The following MYH13 variants were observed in gnomAD, a reference collection of about 807,000 sequenced individuals.
MYH13 encodes myosin heavy chain 13, also known as myosin-13.
In MYH13, 177 loss-of-function variants were observed where a neutral mutation model predicts 232.1. The observed-to-expected ratio is 0.76, with a 90% CI of 0.67 to 0.86. The LOEUF is 0.86. Among genes scored for constraint, MYH13 ranks in the 40% least tolerant of loss-of-function variants. MYH13 has a pLI of 0.00. For synonymous variants in MYH13, 884 were observed against 923.5 expected (o/e 0.96, Z 0.78); for missense variants, 2,246 against 2,405.9 (o/e 0.93, Z 1.39).
chr17:10,340,009 A>T (rs1416505760), intron 18 of MYH13, 141 bp downstream of exon 18: 2 of 699,434 alleles, frequency 2.9e-6, no homozygotes, highest in Non-Finnish European at 4.7e-6. Flanking sequence ...TATCTGCTAA[A>T]TCTGGCAACC....
intron 18 of MYH13, among the ~76,000 whole-genome samples, chr17:10,334,827 C>T (rs1010688119): frequency 4.6e-5 from 7 of 151,864 alleles, no homozygotes; most frequent in African/African-American, 1.7e-4. Context: ...TGCAGTGAGC[C>T]GAGATTGTGC....
chr17:10,364,389 C>T lies in MYH13; in HGVS notation c.142G>A (p.Val48Met). 6.2e-7 allele frequency: 1 copy of T among 1,613,944 alleles called. No homozygotes were observed. The highest frequency in any genetic ancestry group is 8.5e-7 in the Non-Finnish European group (1 of 1,179,842). ...TCCCTAGTCTGGATCATGCCTTTCA[C>T]ATACATTTCCTTATTATCCGCTACA... is the stretch of plus-strand genomic sequence containing the variant. ...CFVADNKEMY[V>M]KGMIQTREND... Residue 48 changes from valine to methionine, a missense_variant, in exon 3 of 41, where the codon GTG becomes ATG. Val to Met is a conservative substitution (Grantham distance 21). Transcript: ENST00000252172.
intron 8 of MYH13, among the ~76,000 whole-genome samples, chr17:10,356,878 G>A (rs2071753196): frequency 6.6e-6 from 1 of 152,184 alleles, no homozygotes; most frequent in African/African-American, 2.4e-5. Context: ...GGAAGTAAAT[G>A]TCTTTTTGAT....
rs546166025 is a variant in MYH13 at position 10,324,336 on chromosome 17, C to T, written c.2692-72G>A. 1.3e-5 allele frequency: 20 copies of T among 1,573,040 alleles called. No homozygotes were observed. The South Asian group carries it at 2.2e-4, about 18-fold the overall frequency. On this transcript the variant is annotated intron_variant, in intron 22 of 40. Transcript: ENST00000252172. ...TGCTACAAAGAAAGGGTATCACCCT[C>T]TAAAAGCTTATTATCTACACCTAAG...
chr17:10,317,110 C>T (rs926203045), intron 27 of MYH13, among the ~76,000 whole-genome samples: 1 of 152,136 alleles, frequency 6.6e-6, no homozygotes, highest in African/African-American at 2.4e-5. Flanking sequence ...GAACAGAGAG[C>T]AGCACACGGC....
intron 35 of MYH13, 126 bp from the exon 36 acceptor site, chr17:10,307,190 A>G (rs971439449): frequency 8.2e-7 from 1 of 1,217,788 alleles, no homozygotes. Flanking sequence ...CACATGGGTG[A>G]CCTGCTGGGT....
At position 10,316,021 on chromosome 17, in the gene MYH13, T is replaced by C; in HGVS notation, c.3743A>G (p.Asn1248Ser). The C allele has an allele frequency of 6.2e-7, 1 of 1,614,040 alleles. No individual in the cohort carries two copies. The highest frequency in any genetic ancestry group is 8.5e-7 in the Non-Finnish European group (1 of 1,179,890). The change falls in exon 28 of 41, where the codon AAC becomes AGC. Residue 1248 changes from asparagine to serine, a missense_variant. Transcript: ENST00000252172. ...NIEALSKSKSNIERTCRTVED... is the reference protein window; with the variant it reads ...NIEALSKSKSSIERTCRTVED... ...TACCGTCCGGCACGTTCTTTCTATG[T>C]TACTCTTTAACAAACAGAAAGTCAA...
Position 10,360,062 on chromosome 17 carries a change from G to A in MYH13, c.543C>T (p.Ser181=), listed in dbSNP as rs764684242. The change falls in exon 7 of 41, where the codon TCC becomes TCT. Residue 181 remains serine, a synonymous_variant. Transcript: ENST00000252172. ...DNQSILITGE[S]GAGKTVNTKR... ...TGGTGTTCACAGTCTTCCCAGCCCC[G>A]GATTCTCCGCTGCCAATTTAAAAGT... 3.4e-5 allele frequency: 55 copies of A among 1,613,966 alleles called. No individual in the cohort carries two copies. The East Asian group carries it at 8.5e-4, about 25-fold the overall frequency.
chr17:10,324,421 GTACA>G (rs137894274), intron 22 of MYH13, among the ~76,000 whole-genome samples, 157 bp from the exon 23 acceptor site: 5,199 of 152,136 alleles, frequency 0.034, 275 homozygotes, highest in African/African-American at 0.12. Context: ...ACACACACGT[GTACA>G]TAAACTTAGA....
intron 2 of MYH13, among the ~76,000 whole-genome samples, chr17:10,367,422 C>T (rs2071846048): frequency 6.6e-6 from 1 of 152,116 alleles, no homozygotes; most frequent in South Asian, 2.1e-4. Context: ...AATCTCAGCT[C>T]ACTGCAACCT....
chr17:10,333,132 T>C lies in MYH13; in HGVS notation c.2116A>G (p.Ile706Val). 1 of 1,551,904 alleles carries C rather than the reference T, an allele frequency of 6.4e-7. No individual in the cohort carries two copies. Among genetic ancestry groups the C allele is most frequent in the Middle Eastern group, 1.7e-4 (1 of 5,992 alleles). Residue 706 changes from isoleucine to valine, a missense_variant, in exon 19 of 41, where the codon ATC becomes GTC. Ile to Val is a conservative substitution (Grantham distance 29). Transcript: ENST00000252172. ...QLRCNGVLEG[I>V]RICRKGFPSR... ...GGGAATCCCTTCCTGCAAATCCGGA[T>C]GCCCTCGAGGACCCCGTTACAGCGC... is the stretch of plus-strand genomic sequence containing the variant.
intron 22 of MYH13, among the ~76,000 whole-genome samples, chr17:10,327,258 C>T (rs2142241567): frequency 6.6e-6 from 1 of 151,702 alleles, no homozygotes; most frequent in South Asian, 2.1e-4. Context: ...GCCTCGGCCT[C>T]CCAAAGTGCT....
At position 10,345,524 on chromosome 17, in the gene MYH13, C is replaced by T; in HGVS notation, c.1356G>A (p.Lys452=). 1.2e-6 allele frequency: 2 copies of T among 1,614,176 alleles called. No homozygotes were observed. Among genetic ancestry groups the T allele is most frequent in the Non-Finnish European group, 1.7e-6 (2 of 1,180,028 alleles). The stretch of plus-strand genomic sequence containing the variant: ...CCCCGATGAAGTACTGCCTGGGCTG[C>T]TTGGTGTCCAGCTGCTGGTTGATGC... ...VTRINQQLDT[K]QPRQYFIGVL... is the part of the protein sequence containing the mutation. The change falls in exon 14 of 41, where the codon AAG becomes AAA. Residue 452 remains lysine, a synonymous_variant. Transcript: ENST00000252172.
At chr17:10,320,991 A>G (rs1459943393) in intron 24 of MYH13, among the ~76,000 whole-genome samples, 1 of 152,072 alleles carries the variant, frequency 6.6e-6, no homozygotes, top group East Asian at 1.9e-4. Context: ...GAGCACACCT[A>G]CCCTGGGCTC....
chr17:10,341,347 T>G (rs1477746227), intron 16 of MYH13: 1 of 152,226 alleles, frequency 6.6e-6, no homozygotes, highest in Non-Finnish European at 1.5e-5. Context: ...CCACCGTGCC[T>G]GGCAATGTTT....
chr17:10,334,023 C>T (rs1343441837), intron 18 of MYH13, among the ~76,000 whole-genome samples: 1 of 152,064 alleles, frequency 6.6e-6, no homozygotes, highest in African/African-American at 2.4e-5. Flanking sequence ...AGAAATGGAG[C>T]TTGGCTGGAA....
chr17:10,360,744 T>G (rs2071785558), intron 5 of MYH13, among the ~76,000 whole-genome samples: 1 of 152,216 alleles, frequency 6.6e-6, no homozygotes, highest in African/African-American at 2.4e-5. Context: ...GTAAACAAGA[T>G]GCAGGGGTAA....
intron 26 of MYH13, 139 bp from the exon 27 acceptor site, chr17:10,319,318 G>T: frequency 9.4e-7 from 1 of 1,065,394 alleles, no homozygotes; most frequent in South Asian, 1.7e-5. Flanking sequence ...AAACCAGCCT[G>T]GCCAACATGG....
chr17:10,313,201 C>T lies in MYH13; in HGVS notation c.4138G>A (p.Glu1380Lys), dbSNP rs376810508. Residue 1380 changes from glutamate (E) to lysine (K), a missense_variant, in exon 30 of 41, where the codon GAG becomes AAG. Glu to Lys is a moderately conservative substitution (Grantham distance 56, BLOSUM62 1). Coordinates refer to ENST00000252172, the MANE Select transcript of MYH13 (RefSeq NM_003802.3). ...TCTGTGCGCTGAATGGCGTCCGTCT[C>T]GTATTTGGTCCTCCACTGGGCAACC... Reference protein sequence around the residue: ...SEVAQWRTKYETDAIQRTEEL... With the variant: ...SEVAQWRTKYKTDAIQRTEEL... 13 of 1,614,082 alleles carry T rather than the reference C, an allele frequency of 8.1e-6. No homozygotes were observed. Among genetic ancestry groups the T allele is most frequent in the African/African-American group, 6.7e-5 (5 of 74,928 alleles).
Sources: gnomAD v4.1 joint callset for allele counts (sites outside exome capture counted in the v4.1 genomes callset) on GRCh38, gnomAD v4.1.1 for gene constraint, MANE v1.5 for transcripts, NCBI Gene and HGNC (gene_info 2026-07-23, HGNC 2026-07-21) for gene names.